The following USH2A variants were observed in gnomAD, a reference collection of about 807,000 sequenced individuals.
USH2A encodes usherin.
In USH2A, 443 loss-of-function variants were observed where a neutral mutation model predicts 538.9. That is an observed-to-expected ratio of 0.82 (90% CI 0.76 to 0.89). USH2A has a LOEUF of 0.89. USH2A is among the 40% of genes least tolerant of loss of function. USH2A has a pLI of 0.00. For missense variants in USH2A, 6,633 were observed against 6,324.8 expected (o/e 1.05, Z -1.65); for synonymous variants, 2,413 against 2,273.5 (o/e 1.06, Z -1.75).
At chr1:216,324,719 C>T (rs989412987) in intron 6 of USH2A, among the ~76,000 whole-genome samples, 1 of 152,070 alleles carries the variant, frequency 6.6e-6, no homozygotes, top group Non-Finnish European at 1.5e-5. Context: ...TCATAAATAT[C>T]ATTTTGATAC....
Position 216,346,358 on chromosome 1 carries a change from T to C in USH2A, c.784+18595A>G, listed in dbSNP as rs376580224. Among the ~76,000 whole-genome samples the C allele has an allele frequency of 1.3e-3, 198 of 152,186 alleles. 1 individual carries two copies. The highest frequency in any genetic ancestry group is 4.5e-3 in the African/African-American group (185 of 41,534). ...AAAAACATCTGTTTTCCTCATGAAA[T>C]CCCAGGAATTGGAAATGGATAGATC... On this transcript the variant is annotated intron_variant, in intron 4 of 71. Transcript: ENST00000307340.
In USH2A at chr1:215,670,825, C is replaced by T; in HGVS notation, c.14133+147G>A. 5.0e-6 allele frequency: 4 copies of T among 793,740 alleles called. No individual in the cohort carries two copies. The South Asian group carries it at 5.6e-5, about 11-fold the overall frequency. The allele number at this position is 793,740 out of a possible 1,614,324, so 49.2% of individuals were successfully genotyped here. A position where few individuals can be genotyped will look rare whatever the true frequency, so the allele number is the denominator to read the frequency against. Reference sequence around the variant, plus strand: ...AATGAACATGGTTTTTCCTCATTTACCACTTAAAAATTTTTAAGGAATATT... The same window carrying T: ...AATGAACATGGTTTTTCCTCATTTATCACTTAAAAATTTTTAAGGAATATT... On this transcript the variant is annotated intron_variant, in intron 64 of 71. Transcript: ENST00000307340.
At chr1:216,023,459 C>CAAA in intron 32 of USH2A, among the ~76,000 whole-genome samples, 29 of 46,940 alleles carry the variant, frequency 6.2e-4, no homozygotes, top group South Asian at 1.4e-3. Flanking sequence ...TCAAAGCAGA[C>CAAA]AAAAAAAAAA....
intron 34 of USH2A, among the ~76,000 whole-genome samples, chr1:215,995,774 A>G (rs1192152754): frequency 6.6e-6 from 1 of 152,246 alleles, no homozygotes; most frequent in Non-Finnish European, 1.5e-5. Flanking sequence ...TCATAAAGGC[A>G]TAACTCTGCC....
intron 61 of USH2A, among the ~76,000 whole-genome samples, chr1:215,681,378 C>G (rs2102672927): frequency 6.6e-6 from 1 of 151,888 alleles, no homozygotes; most frequent in East Asian, 1.9e-4. Flanking sequence ...CTGTTGCGTA[C>G]CATCCCCATT....
chr1:216,353,735 C>T (rs962858783), intron 4 of USH2A, among the ~76,000 whole-genome samples: 2 of 152,100 alleles, frequency 1.3e-5, no homozygotes, highest in Non-Finnish European at 2.9e-5. Context: ...AATAGTTCAA[C>T]ATCTGCTTTA....
intron 55 of USH2A, 151 bp from the exon 56 acceptor site, chr1:215,766,939 A>G (rs955042656): frequency 1.3e-6 from 1 of 766,794 alleles, no homozygotes; most frequent in South Asian, 1.6e-5. Context: ...TCTGAACCTC[A>G]TAAGAGGCTA....
chr1:216,215,089 T>C (rs556423426), intron 15 of USH2A, among the ~76,000 whole-genome samples: 2 of 152,228 alleles, frequency 1.3e-5, no homozygotes, highest in African/African-American at 4.8e-5. Context: ...CTAACTACTT[T>C]ATTTTCATTC....
At chr1:216,050,807 G>A (rs1004750955) in intron 30 of USH2A, among the ~76,000 whole-genome samples, 5 of 150,914 alleles carry the variant, frequency 3.3e-5, no homozygotes, top group Non-Finnish European at 5.9e-5. Context: ...GGGTTTCACC[G>A]TGTTAGCCAG....
intron 25 of USH2A, among the ~76,000 whole-genome samples, chr1:216,084,399 T>G (rs1188119206): frequency 6.6e-6 from 1 of 152,164 alleles, no homozygotes; most frequent in Non-Finnish European, 1.5e-5. Flanking sequence ...CCTCTCTAAC[T>G]GCATTCTAGT....
At chr1:215,949,739 A>T (rs1363740859) in intron 37 of USH2A, among the ~76,000 whole-genome samples, 1 of 152,132 alleles carries the variant, frequency 6.6e-6, no homozygotes, top group Non-Finnish European at 1.5e-5. Flanking sequence ...TAATTATCAA[A>T]AATCTGAAGT....
intron 21 of USH2A, among the ~76,000 whole-genome samples, chr1:216,137,057 T>C (rs1258600245): frequency 6.6e-6 from 1 of 152,118 alleles, no homozygotes; most frequent in East Asian, 1.9e-4. Context: ...AATAACCCCA[T>C]TGGAAAGAGT....
intron 60 of USH2A, among the ~76,000 whole-genome samples, chr1:215,735,664 T>G (rs1347463186): frequency 6.6e-6 from 1 of 152,154 alleles, no homozygotes; most frequent in East Asian, 1.9e-4. Flanking sequence ...CTGCTAGCAC[T>G]ATTTTGGTGT....
At chr1:215,817,390 G>C (rs1377594684) in intron 47 of USH2A, among the ~76,000 whole-genome samples, 195 bp from the exon 48 acceptor site, 1 of 151,848 alleles carries the variant, frequency 6.6e-6, no homozygotes, top group Non-Finnish European at 1.5e-5. Flanking sequence ...GCGTGAGGTG[G>C]TTTATTACTT....
intron 3 of USH2A, among the ~76,000 whole-genome samples, chr1:216,380,306 A>G (rs1478212259): frequency 1.3e-5 from 2 of 152,218 alleles, no homozygotes; most frequent in African/African-American, 4.8e-5. Context: ...TAAAATATTT[A>G]TGAGTATTGC....
At chr1:215,640,832 A>T (rs1656657325) in intron 67 of USH2A, 98 bp from the exon 68 acceptor site, 1 of 995,040 alleles carries the variant, frequency 1.0e-6, no homozygotes, top group South Asian at 1.7e-5. Context: ...AATCAAACCG[A>T]ACCAATCCAA....
intron 44 of USH2A, among the ~76,000 whole-genome samples, chr1:215,852,677 T>A (rs990182870): frequency 3.3e-5 from 5 of 152,082 alleles, no homozygotes; most frequent in Non-Finnish European, 7.4e-5. Flanking sequence ...GGTACAGGCA[T>A]TGGGTAAATA....
chr1:215,648,915 C>T lies in USH2A; in HGVS notation c.14344-149G>A, dbSNP rs1656952874. ...TGGCATTTAGCATGACATTTATCCT[C>T]AAAAAATTACCAACTCAGTTAGAGA... On this transcript the variant is annotated intron_variant, in intron 65 of 71. Transcript: ENST00000307340. The T allele has an allele frequency of 8.8e-6, 7 of 794,818 alleles. No homozygotes were observed. In the South Asian group the frequency reaches 1.0e-4, roughly 11 times the overall value. The allele number at this position is 794,818 out of a possible 1,614,324, so 49.2% of individuals were successfully genotyped here. A position where few individuals can be genotyped will look rare whatever the true frequency, so the allele number is the denominator to read the frequency against.
chr1:216,282,764 G>T (rs1201925047), intron 11 of USH2A, among the ~76,000 whole-genome samples: 2 of 152,106 alleles, frequency 1.3e-5, no homozygotes, highest in Middle Eastern at 3.2e-3. Flanking sequence ...AGTAAGGTGG[G>T]CATTTAACAA....
Sources: gnomAD v4.1 joint callset for allele counts (sites outside exome capture counted in the v4.1 genomes callset) on GRCh38, gnomAD v4.1.1 for gene constraint, MANE v1.5 for transcripts, NCBI Gene and HGNC (gene_info 2026-07-23, HGNC 2026-07-21) for gene names.